NEBL: variants seen among roughly 807,000 people sequenced by gnomAD.
NEBL encodes LIM and SH3 protein 2.
A neutral mutation model predicts 140.2 loss-of-function variants in NEBL; 122 were observed. The ratio of observed to expected loss-of-function variants is 0.87; its 90% confidence interval spans 0.75 to 1.01. NEBL has a LOEUF of 1.01. Among genes scored for constraint, NEBL ranks in the 50% least tolerant of loss-of-function variants. NEBL has a pLI of 0.00. For missense variants in NEBL, 1,365 were observed against 1,231.3 expected (o/e 1.11, Z -1.62); for synonymous variants, 436 against 398.9 (o/e 1.09, Z -1.11).
rs1225537153 is a variant in NEBL, at chr10:20,784,600, C to A, written c.*1147G>T. On this transcript the variant is annotated 3_prime_UTR_variant, in exon 28 of 28. Transcript: ENST00000377122. ...CATTTTCCAAAAGAAGATACCAGAT[C>A]ATCTCTGTATGGAATTGGTAACTTT... The A allele has an allele frequency of 6.6e-6, 1 of 152,160 alleles. No individual in the cohort carries two copies. Among genetic ancestry groups the A allele is most frequent in the Non-Finnish European group, 1.5e-5 (1 of 68,030 alleles). The allele number at this position is 152,160 out of a possible 1,614,324, so 9.4% of individuals were successfully genotyped here.
chr10:21,050,205 C>T (rs181888855), intron 2 of NEBL, among the ~76,000 whole-genome samples: 30 of 152,290 alleles, frequency 2.0e-4, no homozygotes, highest in African/African-American at 6.3e-4. Flanking sequence ...TCATTAGATA[C>T]GTGCTGATAA....
chr10:21,137,162 G>A (rs555485457), intron 2 of NEBL, among the ~76,000 whole-genome samples: 1 of 152,178 alleles, frequency 6.6e-6, no homozygotes, highest in South Asian at 2.1e-4. Context: ...TGTGACTCTG[G>A]ACAATGAATT....
intron 2 of NEBL, among the ~76,000 whole-genome samples, chr10:21,055,828 G>T (rs957533160): frequency 1.2e-4 from 18 of 152,288 alleles, no homozygotes; most frequent in Admixed American, 1.0e-3. Flanking sequence ...TGTTCAGGGG[G>T]CTCCCGCGTG....
At chr10:20,902,282 T>A (rs1235716798), upstream of NEBL, among the ~76,000 whole-genome samples, 1 of 151,980 alleles carries the variant, frequency 6.6e-6, no homozygotes, top group Non-Finnish European at 1.5e-5. Context: ...GGCGGGTGCC[T>A]GTAGTCCCAG....
chr10:21,200,465 C>A (rs2132226352), intron 3 of NEBL, among the ~76,000 whole-genome samples: 1 of 152,092 alleles, frequency 6.6e-6, no homozygotes, highest in Admixed American at 6.6e-5. Flanking sequence ...AGGTGCACAC[C>A]ACCATGCCCA....
intron 2 of NEBL, among the ~76,000 whole-genome samples, chr10:21,040,304 T>G (rs1372025858): frequency 6.6e-6 from 1 of 151,746 alleles, no homozygotes; most frequent in Non-Finnish European, 1.5e-5. Context: ...AGGTGGAGGT[T>G]GCTCCAGCCT....
intron 3 of NEBL, among the ~76,000 whole-genome samples, chr10:21,004,968 T>G (rs1352326144): frequency 6.6e-6 from 1 of 152,196 alleles, no homozygotes; most frequent in Non-Finnish European, 1.5e-5. Context: ...ATGGAGAAAC[T>G]GGTGAATTAA....
intron 3 of NEBL, among the ~76,000 whole-genome samples, chr10:21,010,451 G>T (rs1435572924): frequency 6.2e-5 from 9 of 146,156 alleles, no homozygotes; most frequent in Non-Finnish European, 1.1e-4. Flanking sequence ...ACAGGGTTTT[G>T]CTATGTTGCC....
intron 4 of NEBL, among the ~76,000 whole-genome samples, chr10:20,931,205 G>A (rs11596224): frequency 0.043 from 6,563 of 152,058 alleles, 295 homozygotes; most frequent in East Asian, 0.16. Context: ...TGACAAAGAC[G>A]CACCATAATT....
intron 2 of NEBL, among the ~76,000 whole-genome samples, chr10:21,136,613 T>C (rs576823917): frequency 1.3e-5 from 2 of 152,194 alleles, no homozygotes; most frequent in Non-Finnish European, 2.9e-5. Context: ...TCCTTCTGTA[T>C]CCCTGTCCTA....
intron 18 of NEBL, among the ~76,000 whole-genome samples, chr10:20,824,814 C>T (rs1839677913): frequency 6.6e-6 from 1 of 152,162 alleles, no homozygotes; most frequent in South Asian, 2.1e-4. Flanking sequence ...CAAAATGGCA[C>T]AGTTATTTCA....
intron 1 of NEBL, among the ~76,000 whole-genome samples, chr10:21,273,128 G>C (rs1395584477): frequency 6.6e-6 from 1 of 152,128 alleles, no homozygotes; most frequent in Non-Finnish European, 1.5e-5. Context: ...CACAGGGTTG[G>C]GAGCTTGTGG....
At chr10:20,831,396 T>C in intron 15 of NEBL, 77 bp downstream of exon 15, 6 of 1,506,298 alleles carry the variant, frequency 4.0e-6, no homozygotes, top group Non-Finnish European at 5.5e-6. Flanking sequence ...GCCACCCATG[T>C]GGAAAGAAAA....
At chr10:21,192,386 G>T (rs1273686234) in intron 3 of NEBL, among the ~76,000 whole-genome samples, 2 of 151,222 alleles carry the variant, frequency 1.3e-5, no homozygotes, top group African/African-American at 4.9e-5. Flanking sequence ...TAGAGATGGG[G>T]TTTCACCTTG....
chr10:21,216,161 G>A (rs746740810), intron 3 of NEBL, among the ~76,000 whole-genome samples: 13 of 152,178 alleles, frequency 8.5e-5, no homozygotes, highest in South Asian at 2.1e-4. Context: ...AGCCAGCCAC[G>A]AGTTGTCTAC....
intron 21 of NEBL, 87 bp from the exon 22 acceptor site, chr10:20,815,804 T>G (rs759191797): frequency 8.1e-6 from 8 of 984,754 alleles, no homozygotes; most frequent in Non-Finnish European, 1.1e-5. Context: ...GGTCTTGCTC[T>G]GTCACCCAGG....
intron 1 of NEBL, among the ~76,000 whole-genome samples, chr10:21,270,797 G>A (rs935264389): frequency 4.6e-5 from 7 of 152,006 alleles, no homozygotes; most frequent in Non-Finnish European, 8.8e-5. Flanking sequence ...TCTCAATAAC[G>A]ACTTGTCCAG....
At chr10:20,898,261 T>C (rs749826159), upstream of NEBL, among the ~76,000 whole-genome samples, 9 of 152,180 alleles carry the variant, frequency 5.9e-5, no homozygotes, top group African/African-American at 1.2e-4. Flanking sequence ...TCTGGTTATG[T>C]AAATCCTAGG....
chr10:20,815,517 CA>C, intron 22 of NEBL, 107 bp downstream of exon 22: 1 of 914,614 alleles, frequency 1.1e-6, no homozygotes, highest in Non-Finnish European at 1.8e-6. Context: ...GGACACATCA[CA>C]AATGTTTCTT....
Sources: allele counts gnomAD v4.1 joint callset (sites outside exome capture counted in the v4.1 genomes callset), GRCh38; gene constraint gnomAD v4.1.1; transcripts MANE v1.5; gene names NCBI Gene and HGNC (gene_info 2026-07-23, HGNC 2026-07-21).